ERBIN: variants seen among roughly 807,000 people sequenced by gnomAD.
The protein encoded by ERBIN is erbb2 interacting protein, also known as densin-180-like protein.
ERBIN carries 60 observed loss-of-function variants against 158.4 expected under a neutral mutation model. The observed-to-expected ratio is 0.38, with a 90% CI of 0.31 to 0.47. ERBIN has a LOEUF of 0.47. ERBIN is among the 20% of genes least tolerant of loss of function. The pLI is 0.99. For synonymous variants in ERBIN, 594 were observed against 557.2 expected, an observed-to-expected ratio of 1.07 and a Z score of -0.93; for missense variants, 1,610 against 1,648.0, an observed-to-expected ratio of 0.98 and a Z score of 0.40.
At chr5:66,002,556 A>C (rs1445185996) in intron 4 of ERBIN, among the ~76,000 whole-genome samples, 1 of 152,210 alleles carries the variant, frequency 6.6e-6, no homozygotes, top group African/African-American at 2.4e-5. Flanking sequence ...GAGAAACCAG[A>C]AAGAGTAGCT....
chr5:65,929,481 A>G (rs1348569966), intron 1 of ERBIN, among the ~76,000 whole-genome samples: 4 of 152,130 alleles, frequency 2.6e-5, no homozygotes, highest in Non-Finnish European at 4.4e-5. Flanking sequence ...ATTGCTGCTT[A>G]TCCAGATTCT....
At chr5:65,957,500 A>G (rs1747312240) in intron 1 of ERBIN, among the ~76,000 whole-genome samples, 1 of 152,184 alleles carries the variant, frequency 6.6e-6, no homozygotes, top group Non-Finnish European at 1.5e-5. Flanking sequence ...CCCTGAGTAG[A>G]CACAGCACGT....
chr5:65,947,451 A>G (rs890493043), intron 1 of ERBIN, among the ~76,000 whole-genome samples: 2 of 152,190 alleles, frequency 1.3e-5, no homozygotes, highest in East Asian at 3.8e-4. Context: ...GTTCAGCTTC[A>G]TTGATTATTA....
rs376753512 is a variant in ERBIN, at chr5:66,044,163, A to T, written c.1455A>T (p.Thr485=). 24 of 1,576,386 alleles carry T rather than the reference A, an allele frequency of 1.5e-5. No individual in the cohort carries two copies. In the African/African-American group the frequency reaches 2.1e-4, roughly 14 times the overall value. Residue 485 remains threonine (T), a synonymous_variant, in exon 17 of 26, where the codon ACA becomes ACT. Coordinates refer to ENST00000284037, the MANE Select transcript of ERBIN (RefSeq NM_001253697.2). The part of the protein sequence containing the change: ...PREGNLKRYP[T]PYPDELKNMV... Reference sequence around the variant, plus strand: ...AGGGAAATTTAAAAAGATATCCAACACCATACCCAGATGAGCTTAAGAATA... The same window carrying T: ...AGGGAAATTTAAAAAGATATCCAACTCCATACCCAGATGAGCTTAAGAATA...
intron 4 of ERBIN, among the ~76,000 whole-genome samples, chr5:65,996,079 T>C (rs947825462): frequency 2.0e-5 from 3 of 152,240 alleles, no homozygotes; most frequent in South Asian, 2.1e-4. Flanking sequence ...CACTCTGTTG[T>C]TTCTTTGGCT....
At chr5:65,977,958 G>GGGGAGAGGGAGA (rs143829708) in intron 1 of ERBIN, among the ~76,000 whole-genome samples, 111,032 of 145,826 alleles carry the variant, frequency 0.76, 43,578 homozygotes, top group South Asian at 0.88. Flanking sequence ...GAGAGGGTTA[G>GGGGAGAGGGAGA]GGGAGAGGGA....
chr5:66,004,426 A>G (rs894909621), intron 4 of ERBIN, among the ~76,000 whole-genome samples: 9 of 152,106 alleles, frequency 5.9e-5, no homozygotes, highest in African/African-American at 2.2e-4. Flanking sequence ...GAGTTGAGAC[A>G]GAATCTCCGT....
chr5:65,982,076 A>G (rs1293785931), intron 1 of ERBIN, among the ~76,000 whole-genome samples: 1 of 152,230 alleles, frequency 6.6e-6, no homozygotes, highest in Non-Finnish European at 1.5e-5. Context: ...CCTGCCAGAA[A>G]ACAATACCTT....
At chr5:66,010,634 T>C (rs1202880300) in intron 4 of ERBIN, among the ~76,000 whole-genome samples, 1 of 152,158 alleles carries the variant, frequency 6.6e-6, no homozygotes, top group Non-Finnish European at 1.5e-5. Flanking sequence ...CTATATATGA[T>C]ATTGTGGTAA....
chr5:66,063,840 G>A (rs1760718304), intron 21 of ERBIN, among the ~76,000 whole-genome samples: 1 of 152,154 alleles, frequency 6.6e-6, no homozygotes, highest in Admixed American at 6.5e-5. Flanking sequence ...CCAATAAAAT[G>A]TCAATAGAGA....
intron 4 of ERBIN, among the ~76,000 whole-genome samples, chr5:65,999,136 A>AGGTGAGCAGATTACCTGAGGTCAGGAGTT (rs1287083010): frequency 2.6e-5 from 4 of 152,202 alleles, no homozygotes; most frequent in Non-Finnish European, 5.9e-5. Flanking sequence ...TGGGAGGCCA[A>AGGTGAGCAGATTACCTGAGGTCAGGAGTT]GGTGAGCAGA....
At chr5:65,934,333 G>A (rs1743816669) in intron 1 of ERBIN, among the ~76,000 whole-genome samples, 1 of 152,096 alleles carries the variant, frequency 6.6e-6, no homozygotes, top group African/African-American at 2.4e-5. Flanking sequence ...TCCCAATAAT[G>A]TGTTTTACAG....
At chr5:65,935,651 A>G (rs1743988881) in intron 1 of ERBIN, among the ~76,000 whole-genome samples, 1 of 152,250 alleles carries the variant, frequency 6.6e-6, no homozygotes, top group Non-Finnish European at 1.5e-5. Flanking sequence ...TACTCTTTAC[A>G]TTGGACAAGT....
rs1757498258 is a variant in ERBIN at position 66,037,380 on chromosome 5, G to A, written c.1207-1003G>A. ...GGAATGATGTCACAGCATTGTAAGCGCTACCCTCACCTCCTGACTTGGGGT... is the reference window on the plus strand; with the variant it reads ...GGAATGATGTCACAGCATTGTAAGCACTACCCTCACCTCCTGACTTGGGGT... On this transcript the variant is annotated intron_variant, in intron 14 of 25. Transcript: ENST00000284037. Among the ~76,000 whole-genome samples, 5 of 152,118 alleles carry A rather than the reference G, an allele frequency of 3.3e-5. No homozygotes were observed. In the South Asian group the frequency reaches 1.0e-3, roughly 32 times the overall value.
chr5:65,973,732 G>T (rs567838322), intron 1 of ERBIN, among the ~76,000 whole-genome samples: 1 of 151,508 alleles, frequency 6.6e-6, no homozygotes, highest in East Asian at 1.9e-4. Flanking sequence ...AAGGCAAAAG[G>T]CCTCACCTGA....
At chr5:65,976,922 A>G (rs1395960171) in intron 1 of ERBIN, among the ~76,000 whole-genome samples, 1 of 151,904 alleles carries the variant, frequency 6.6e-6, no homozygotes, top group South Asian at 2.1e-4. Flanking sequence ...ACCTCTTTCT[A>G]CACAGACACG....
At chr5:66,065,426 A>G (rs1252136724) in intron 21 of ERBIN, among the ~76,000 whole-genome samples, 1 of 152,130 alleles carries the variant, frequency 6.6e-6, no homozygotes, top group Non-Finnish European at 1.5e-5. Flanking sequence ...CTAGAAATTT[A>G]TTATTTTAAG....
At chr5:66,034,038 G>A (rs1045656320) in intron 14 of ERBIN, among the ~76,000 whole-genome samples, 1 of 151,752 alleles carries the variant, frequency 6.6e-6, no homozygotes, top group Non-Finnish European at 1.5e-5. Context: ...GAACCCAGGA[G>A]GCGGACGTTG....
intron 14 of ERBIN, among the ~76,000 whole-genome samples, chr5:66,033,169 A>T (rs1333426056): frequency 1.3e-5 from 2 of 152,142 alleles, no homozygotes; most frequent in African/African-American, 2.4e-5. Context: ...CAGTACTATT[A>T]TAGGTTTATT....
Sources: gnomAD v4.1 joint callset for allele counts (sites outside exome capture counted in the v4.1 genomes callset) on GRCh38, gnomAD v4.1.1 for gene constraint, MANE v1.5 for transcripts, NCBI Gene and HGNC (gene_info 2026-07-23, HGNC 2026-07-21) for gene names.